Variants in RNF220 observed in about 807,000 individuals in gnomAD.
RNF220 encodes E3 ubiquitin-protein ligase RNF220.
RNF220 carries 7 observed loss-of-function variants against 67.1 expected under a neutral mutation model. The ratio of observed to expected loss-of-function variants is 0.10; its 90% CI spans 0.06 to 0.20. RNF220 has a LOEUF of 0.20. Among genes scored for constraint, RNF220 ranks in the 10% least tolerant of loss-of-function variants. The pLI is 1.00. For synonymous variants in RNF220, 270 were observed against 283.2 expected, an observed-to-expected ratio of 0.95 and a Z score of 0.47; for missense variants, 565 against 740.3, an observed-to-expected ratio of 0.76 and a Z score of 2.75.
chr1:44,556,180 G>A (rs270767), intron 2 of RNF220, among the ~76,000 whole-genome samples: 113,268 of 149,142 alleles, frequency 0.76, 43,803 homozygotes, highest in East Asian at 1. Context: ...GATTACAGGC[G>A]TGCATCACCA....
chr1:44,626,626 C>A, intron 5 of RNF220: 1 of 565,990 alleles, frequency 1.8e-6, no homozygotes, highest in Non-Finnish European at 3.2e-6. Flanking sequence ...GTCACATGGG[C>A]TCCATGGGCT....
In RNF220 at chr1:44,583,402, C is replaced by A. The variant is rs181494434; in HGVS notation, c.626-30763C>A. 6.1e-4 allele frequency among the ~76,000 whole-genome samples: 93 copies of A among 152,258 alleles called. 1 individual carries two copies. The highest frequency in any genetic ancestry group is 1.5e-3 in the Admixed American group (23 of 15,300). Reference sequence around the variant, plus strand: ...GATGAAGCCTCACTTCTCCCACTGACAATTTTAGCTTCATTTTCATAGCTG... The same window carrying A: ...GATGAAGCCTCACTTCTCCCACTGAAAATTTTAGCTTCATTTTCATAGCTG... On this transcript the variant is annotated intron_variant, in intron 2 of 14. Coordinates refer to ENST00000361799, the MANE Select transcript of RNF220 (RefSeq NM_018150.4).
intron 4 of RNF220, among the ~76,000 whole-genome samples, chr1:44,623,937 G>A (rs1177607421): frequency 2.0e-5 from 3 of 152,354 alleles, no homozygotes; most frequent in Admixed American, 1.3e-4. Context: ...ACCTCTAAGA[G>A]GGCAGTTTTG....
rs143086710 is a variant in RNF220, at chr1:44,582,898, C to G, written c.626-31267C>G. 1.6e-3 allele frequency among the ~76,000 whole-genome samples: 247 copies of G among 152,124 alleles called. 2 individuals are homozygous for G. Among genetic ancestry groups the G allele is most frequent in the African/African-American group, 5.7e-3 (235 of 41,474 alleles). On this transcript the variant is annotated intron_variant, in intron 2 of 14. Transcript: ENST00000361799. ...AAATTAGCCTGTAATCCCAGCTATT[C>G]AGGAGGCTGAGACAGGAGAATCGCT...
Position 44,563,453 on chromosome 1 carries a change from C to G in RNF220, c.626-50712C>G, listed in dbSNP as rs553145557. On this transcript the variant is annotated intron_variant, in intron 2 of 14. Coordinates refer to ENST00000361799, the MANE Select transcript of RNF220 (RefSeq NM_018150.4). ...CTGATGGTACCTGTTTCAAGTCCAC[C>G]CAGGGAGATGGGGCCAGATGAACGG... 5.9e-5 allele frequency among the ~76,000 whole-genome samples: 9 copies of G among 152,276 alleles called. No individual in the cohort carries two copies. In the East Asian group the frequency reaches 1.7e-3, roughly 29 times the overall value.
At chr1:44,407,604 G>A (rs1289785284) in intron 1 of RNF220, among the ~76,000 whole-genome samples, 4 of 152,070 alleles carry the variant, frequency 2.6e-5, no homozygotes, top group Non-Finnish European at 4.4e-5. Context: ...CGACAGGGCC[G>A]GGGCCGGGCG....
At chr1:44,561,951 G>A (rs756986810) in intron 2 of RNF220, among the ~76,000 whole-genome samples, 1 of 152,124 alleles carries the variant, frequency 6.6e-6, no homozygotes, top group Non-Finnish European at 1.5e-5. Context: ...AGCTAGGCAG[G>A]ACCAAATCCC....
At chr1:44,420,609 C>T (rs566029054) in intron 2 of RNF220, among the ~76,000 whole-genome samples, 282 of 152,212 alleles carry the variant, frequency 1.9e-3, no homozygotes, top group African/African-American at 6.4e-3. Flanking sequence ...AGCCTCAACT[C>T]GAAGGTGTTT....
intron 3 of RNF220, among the ~76,000 whole-genome samples, chr1:44,616,175 G>A (rs1186035191): frequency 6.6e-6 from 1 of 152,156 alleles, no homozygotes; most frequent in Non-Finnish European, 1.5e-5. Context: ...ATCTAGTCTG[G>A]GAAGTCACAC....
chr1:44,626,356 C>A lies in RNF220; in HGVS notation c.864C>A (p.His288Gln). ...REGESPTASP[H>Q]SSATDDLHHS... The stretch of plus-strand genomic sequence containing the variant: ...GAGAGTCTCCAACGGCATCACCCCA[C>A]TCATCTGCCACCGATGACCTCCACC... The change falls in exon 5 of 15, where the codon CAC (histidine) becomes CAA (glutamine). Residue 288 changes from histidine to glutamine, a missense_variant. By Grantham distance (24) the His-to-Gln change is conservative. Coordinates refer to ENST00000361799, the MANE Select transcript of RNF220 (RefSeq NM_018150.4). 1 of 1,613,576 alleles carries A rather than the reference C, an allele frequency of 6.2e-7. No individual in the cohort carries two copies. The highest frequency in any genetic ancestry group is 1.7e-5 in the Admixed American group (1 of 59,972).
At chr1:44,480,756 C>CA (rs1655728054) in intron 2 of RNF220, among the ~76,000 whole-genome samples, 1 of 152,112 alleles carries the variant, frequency 6.6e-6, no homozygotes, top group Non-Finnish European at 1.5e-5. Flanking sequence ...CATGGTGGGG[C>CA]ACGCCTGCAG....
intron 8 of RNF220, chr1:44,643,412 G>C (rs1391685694): frequency 1.3e-5 from 2 of 152,254 alleles, no homozygotes; most frequent in African/African-American, 4.8e-5. Flanking sequence ...TTAGTAGAGA[G>C]CAAGAGTAAA....
chr1:44,524,367 T>G (rs1660191715), intron 2 of RNF220, among the ~76,000 whole-genome samples: 1 of 152,060 alleles, frequency 6.6e-6, no homozygotes, highest in Non-Finnish European at 1.5e-5. Context: ...TTCCTGTGTT[T>G]TATGGAAGCA....
intron 2 of RNF220, chr1:44,423,689 A>G (rs1191351698): frequency 9.6e-6 from 2 of 207,606 alleles, no homozygotes. Context: ...GCTTAGCTCT[A>G]TCCTTTGCCC....
chr1:44,421,995 A>G (rs1479728039), intron 2 of RNF220, among the ~76,000 whole-genome samples: 1 of 152,176 alleles, frequency 6.6e-6, no homozygotes, highest in East Asian at 1.9e-4. Flanking sequence ...GCTCCATTTA[A>G]AGGAAGGGTT....
At position 44,461,924 on chromosome 1, in the gene RNF220, G is replaced by GTTTTTTT. The variant is rs201661366; in HGVS notation, c.625+49217_625+49223dup. ...TATTTTTTTCTTTTCTTTTTTCTTTGTTTTTTTTTTTTTTTTTTTTTGAGC... is the reference window on the plus strand; with the variant it reads ...TATTTTTTTCTTTTCTTTTTTCTTTGTTTTTTTTTTTTTTTTTTTTTTTTTTTTGAGC... On this transcript the variant is annotated intron_variant, in intron 2 of 14. Transcript: ENST00000361799. Among the ~76,000 whole-genome samples, 129 of 123,548 alleles carry GTTTTTTT rather than the reference G, an allele frequency of 1.0e-3. 2 individuals carry two copies. The highest frequency in any genetic ancestry group is 1.6e-3 in the South Asian group (6 of 3,726). 81.1% of individuals were successfully genotyped at this position (123,548 alleles called of 152,430 possible).
chr1:44,537,887 A>C (rs1357408333), intron 2 of RNF220, among the ~76,000 whole-genome samples: 1 of 152,238 alleles, frequency 6.6e-6, no homozygotes, highest in Non-Finnish European at 1.5e-5. Flanking sequence ...TCTTTTGGCA[A>C]ATGTAAACTC....
intron 2 of RNF220, among the ~76,000 whole-genome samples, chr1:44,490,742 C>A (rs778854754): frequency 6.6e-6 from 1 of 151,620 alleles, no homozygotes; most frequent in Non-Finnish European, 1.5e-5. Context: ...AAGATGAGAT[C>A]ATAAATAAAT....
Position 44,606,631 on chromosome 1 carries a change from G to A in RNF220, c.626-7534G>A, listed in dbSNP as rs1176539057. ...CTTGTTTTCATTCTACCTCTTGGCT[G>A]TTCCTTCTTAGTCCTTGATGCCTTA... is the stretch of plus-strand genomic sequence containing the variant. On this transcript the variant is annotated intron_variant, in intron 2 of 14. Coordinates refer to ENST00000361799, the MANE Select transcript of RNF220 (RefSeq NM_018150.4). The surrounding 1 kb of genome is among the most constrained non-coding windows in gnomAD (Gnocchi z 4.2). 6.6e-6 allele frequency among the ~76,000 whole-genome samples: 1 copy of A among 152,186 alleles called. No individual in the cohort carries two copies. Among genetic ancestry groups the A allele is most frequent in the African/African-American group, 2.4e-5 (1 of 41,428 alleles).
Sources: gnomAD v4.1 joint callset for allele counts (sites outside exome capture counted in the v4.1 genomes callset) on GRCh38, gnomAD v4.1.1 for gene constraint, Gnocchi (gnomAD v3.1) non-coding constraint, MANE v1.5 for transcripts, NCBI Gene and HGNC (gene_info 2026-07-23, HGNC 2026-07-21) for gene names.